Variants in NME1 observed in about 807,000 individuals in gnomAD.
NME1 encodes NME/NM23 nucleoside diphosphate kinase 1.
Under a neutral mutation model 17.2 loss-of-function variants are expected in NME1, and 9 were observed. The ratio of observed to expected loss-of-function variants is 0.52; its 90% confidence interval spans 0.32 to 0.92. The LOEUF is 0.92. Among genes scored for constraint, NME1 ranks in the 40% least tolerant of loss-of-function variants. The probability of loss-of-function intolerance (pLI) is 0.04; values close to 1 mark genes in which losing one functional copy is unlikely to be tolerated. For missense variants in NME1, 169 were observed against 201.7 expected (o/e 0.84, Z 0.98); for synonymous variants, 72 against 70.8 (o/e 1.02, Z -0.09).
At chr17:51,156,892 CAA>C (rs71355724) in intron 2 of NME1, among the ~76,000 whole-genome samples, 21 of 86,868 alleles carry the variant, frequency 2.4e-4, no homozygotes, top group East Asian at 3.2e-4. Flanking sequence ...ACTCCATCTC[CAA>C]AAAAAAAAAA....
rs781376046 is a variant in NME1 at position 51,155,705 on chromosome 17, G to C, written c.51G>C (p.Gln17His). ...TTGCGATCAAACCAGATGGGGTCCAGCGGGGTCTTGTGGGAGAGATTATCA... is the reference window on the plus strand; with the variant it reads ...TTGCGATCAAACCAGATGGGGTCCACCGGGGTCTTGTGGGAGAGATTATCA... ...TFIAIKPDGV[Q>H]RGLVGEIIKR... The change falls in exon 2 of 5, where the codon CAG (glutamine) becomes CAC (histidine). Residue 17 changes from glutamine (Q) to histidine (H), a missense_variant. By Grantham distance (24) the Gln-to-His change is conservative. Coordinates refer to ENST00000393196, the MANE Select transcript of NME1 (RefSeq NM_000269.3). 6.2e-7 allele frequency: 1 copy of C among 1,614,212 alleles called. No individual in the cohort carries two copies. Among genetic ancestry groups the C allele is most frequent in the South Asian group, 1.1e-5 (1 of 91,086 alleles).
Position 51,153,661 on chromosome 17 carries a change from G to C in NME1, c.-6G>C, listed in dbSNP as rs1365833508. ...GGAGTTCAAACCTAAGCAGCTGGAA[G>C]GGTAAGAGGTGTTCGGGATCCTGAG... On this transcript the variant is annotated splice_region_variant and 5_prime_UTR_variant, in exon 1 of 5. Transcript: ENST00000393196. 1 of 152,564 alleles carries C rather than the reference G, an allele frequency of 6.6e-6. No individual in the cohort carries two copies. The highest frequency in any genetic ancestry group is 1.5e-5 in the Non-Finnish European group (1 of 68,264). 9.5% of individuals were successfully genotyped at this position (152,564 alleles called of 1,614,324 possible). A position where few individuals can be genotyped will look rare whatever the true frequency, so the allele number is the denominator to read the frequency against.
rs767211119 is a variant in NME1 at position 51,160,040 on chromosome 17, G to A, written c.187G>A (p.Gly63Ser). The change falls in exon 3 of 5, where the codon GGC (glycine) becomes AGC (serine). Residue 63 changes from glycine to serine, a missense_variant. Transcript: ENST00000393196. Reference sequence around the variant, plus strand: ...CCTGAAGGACCGTCCATTCTTTGCCGGCCTGGTGAAATACATGCACTCAGG... The same window carrying A: ...CCTGAAGGACCGTCCATTCTTTGCCAGCCTGGTGAAATACATGCACTCAGG... ...VDLKDRPFFA[G>S]LVKYMHSGPV... The A allele has an allele frequency of 1.1e-5, 17 of 1,614,064 alleles. No individual in the cohort carries two copies. The highest frequency in any genetic ancestry group is 3.3e-4 in the Middle Eastern group (2 of 6,060).
intron 2 of NME1, among the ~76,000 whole-genome samples, chr17:51,157,099 A>C (rs1280880803): frequency 6.6e-6 from 1 of 151,966 alleles, no homozygotes. Context: ...GCATTTTAAA[A>C]TTTAGTTTGA....
chr17:51,157,517 G>A (rs11654212), intron 2 of NME1, among the ~76,000 whole-genome samples: 24,309 of 152,130 alleles, frequency 0.16, 2,037 homozygotes, highest in East Asian at 0.22. Context: ...TTGTTGCATC[G>A]AGGATTAAAT....
chr17:51,161,300 T>C (rs2049862007), intron 4 of NME1, 28 bp downstream of exon 4: 4 of 1,570,520 alleles, frequency 2.5e-6, no homozygotes, highest in African/African-American at 1.4e-5. Context: ...TTCCCCCTTT[T>C]CCAAAATCTG....
intron 1 of NME1, 126 bp from the exon 2 acceptor site, chr17:51,155,525 C>T: frequency 7.0e-7 from 1 of 1,437,040 alleles, no homozygotes; most frequent in Non-Finnish European, 9.5e-7. Context: ...TGGGTTTTTA[C>T]CAGAGGGAGA....
chr17:51,160,755 G>A (rs904789374), intron 3 of NME1, among the ~76,000 whole-genome samples: 4 of 151,890 alleles, frequency 2.6e-5, no homozygotes, highest in African/African-American at 7.3e-5. Flanking sequence ...GACTACAGGC[G>A]CCCGCCACCA....
chr17:51,154,207 G>A, intron 1 of NME1: 1 of 515,620 alleles, frequency 1.9e-6, no homozygotes, highest in South Asian at 2.6e-5. Context: ...GATTTTCTTT[G>A]CTCCTATTGA....
chr17:51,158,231 G>T (rs1461630264), intron 2 of NME1, among the ~76,000 whole-genome samples: 1 of 152,192 alleles, frequency 6.6e-6, no homozygotes, highest in African/African-American at 2.4e-5. Flanking sequence ...AGTGAGCGGA[G>T]ATCGAGCCAC....
intron 1 of NME1, 22 bp from the exon 2 acceptor site, chr17:51,155,629 T>A (rs1429750892): frequency 6.2e-7 from 1 of 1,613,052 alleles, no homozygotes; most frequent in Non-Finnish European, 8.5e-7. Flanking sequence ...GCTGTTTCAT[T>A]CCTCTACCTG....
intron 4 of NME1, 163 bp from the exon 5 acceptor site, chr17:51,161,565 T>C: frequency 1.4e-6 from 1 of 718,158 alleles, no homozygotes; most frequent in Non-Finnish European, 2.4e-6. Flanking sequence ...GGGGAGGGCA[T>C]TTTTCAGCCT....
At chr17:51,154,186 T>G in intron 1 of NME1, 2 of 529,828 alleles carry the variant, frequency 3.8e-6, no homozygotes, top group Admixed American at 3.1e-5. Flanking sequence ...AGTTGCAGAA[T>G]GGTGATAAAT....
intron 2 of NME1, chr17:51,156,432 A>AT (rs2049787182): frequency 6.4e-6 from 1 of 156,488 alleles, no homozygotes; most frequent in Non-Finnish European, 1.4e-5. Context: ...CATACCTGTA[A>AT]TCCCAGCACT....
intron 1 of NME1, chr17:51,154,340 G>A: frequency 2.5e-6 from 4 of 1,602,594 alleles, no homozygotes; most frequent in Non-Finnish European, 3.4e-6. Flanking sequence ...TGTAAGAAGA[G>A]GTTAACTAAA....
intron 2 of NME1, among the ~76,000 whole-genome samples, chr17:51,158,449 C>T (rs1367675045): frequency 6.6e-6 from 1 of 152,062 alleles, no homozygotes; most frequent in Admixed American, 6.6e-5. Flanking sequence ...AAACAAACAA[C>T]AAAACCAACA....
At chr17:51,156,177 A>T in intron 2 of NME1, 2 of 321,160 alleles carry the variant, frequency 6.2e-6, no homozygotes, top group South Asian at 5.3e-5. Context: ...TCTTTCCATC[A>T]TCAATTACTA....
intron 1 of NME1, chr17:51,154,414 A>T (rs751232998): frequency 1.2e-6 from 2 of 1,614,130 alleles, no homozygotes; most frequent in East Asian, 4.5e-5. Context: ...TTTCAAGGCG[A>T]GGGGCCTCCT....
chr17:51,156,083 G>T (rs1000668282), intron 2 of NME1: 4 of 365,388 alleles, frequency 1.1e-5, no homozygotes, highest in Non-Finnish European at 1.6e-5. Flanking sequence ...GCATGTTTGA[G>T]TTCTTGGTCT....
Sources: allele counts gnomAD v4.1 joint callset (sites outside exome capture counted in the v4.1 genomes callset), GRCh38; gene constraint gnomAD v4.1.1; transcripts MANE v1.5; gene names NCBI Gene and HGNC (gene_info 2026-07-23, HGNC 2026-07-21).